MALRD1: variants seen among roughly 807,000 people sequenced by gnomAD.
MALRD1 encodes MAM and LDL-receptor class A domain-containing protein 1.
In MALRD1, 247 loss-of-function variants were observed where a neutral mutation model predicts 242.1. The ratio of observed to expected loss-of-function variants is 1.02; its 90% CI spans 0.92 to 1.13. The LOEUF (loss-of-function observed/expected upper bound fraction) is 1.13, where lower values mean the gene tolerates loss of function less well. Ranked by LOEUF, MALRD1 falls within the 50% of genes most tolerant of loss-of-function variation. The pLI is 0.00. For missense variants in MALRD1, 2,989 were observed against 2,533.1 expected (o/e 1.18, Z -3.86); for synonymous variants, 995 against 866.6 (o/e 1.15, Z -2.60).
At chr10:19,229,665 C>A (rs1026220292) in intron 18 of MALRD1, among the ~76,000 whole-genome samples, 1 of 152,072 alleles carries the variant, frequency 6.6e-6, no homozygotes, top group African/African-American at 2.4e-5. Flanking sequence ...TTTTTGTCCT[C>A]CCATGATGAA....
rs535479519 is a variant in MALRD1, at chr10:19,225,776, C to G, written c.2991+16096C>G. 1.4e-3 allele frequency among the ~76,000 whole-genome samples: 218 copies of G among 152,286 alleles called. 1 individual carries two copies. Among genetic ancestry groups the G allele is most frequent in the Non-Finnish European group, 1.6e-3 (111 of 68,008 alleles). Reference sequence around the variant, plus strand: ...GGCTCTGCCTTAGGAAAAGACTTTACTTTTTATTATCATGTGCAGTACTTA... The same window carrying G: ...GGCTCTGCCTTAGGAAAAGACTTTAGTTTTTATTATCATGTGCAGTACTTA... On this transcript the variant is annotated intron_variant, in intron 18 of 39. Coordinates refer to ENST00000454679, the MANE Select transcript of MALRD1 (RefSeq NM_001142308.3).
intron 33 of MALRD1, among the ~76,000 whole-genome samples, chr10:19,581,261 C>A (rs931089994): frequency 1.3e-5 from 2 of 151,418 alleles, no homozygotes; most frequent in Non-Finnish European, 2.9e-5. Context: ...GGTACATGTG[C>A]ACAATGTGCA....
intron 14 of MALRD1, among the ~76,000 whole-genome samples, chr10:19,181,817 C>T (rs12267424): frequency 0.3 from 45,749 of 151,836 alleles, 7,215 homozygotes; most frequent in Admixed American, 0.37. Flanking sequence ...ATATGTATCC[C>T]ATAACCTTAT....
chr10:19,712,656 C>T (rs939578590), intron 38 of MALRD1, among the ~76,000 whole-genome samples: 7 of 152,114 alleles, frequency 4.6e-5, no homozygotes, highest in African/African-American at 7.2e-5. Context: ...TTATGTGTCT[C>T]AAAGAACCCA....
In MALRD1 at chr10:19,724,757, G is replaced by A. The variant is rs550187049; in HGVS notation, c.6315-5949G>A. 4.6e-5 allele frequency among the ~76,000 whole-genome samples: 7 copies of A among 152,188 alleles called. No homozygotes were observed. The South Asian group carries it at 6.2e-4, about 14-fold the overall frequency. ...GAAATGGGAAAAAAGGAAGTAAAAC[G>A]CATTCAAATTGGAAAAGAAGACATA... is the stretch of plus-strand genomic sequence containing the variant. On this transcript the variant is annotated intron_variant, in intron 38 of 39. Transcript: ENST00000454679.
chr10:19,662,207 C>G (rs1302033306), intron 36 of MALRD1, among the ~76,000 whole-genome samples: 1 of 152,102 alleles, frequency 6.6e-6, no homozygotes, highest in Non-Finnish European at 1.5e-5. Flanking sequence ...AATACTAACA[C>G]TATTTCGTAT....
At chr10:19,047,355 G>GGTGTGT (rs3042212), upstream of MALRD1, among the ~76,000 whole-genome samples, 119 of 148,858 alleles carry the variant, frequency 8.0e-4, no homozygotes, top group African/African-American at 2.8e-3. Flanking sequence ...GTGTTAATTA[G>GGTGTGT]GTGTGTGTGT....
intron 12 of MALRD1, among the ~76,000 whole-genome samples, chr10:19,162,432 C>T (rs971416234): frequency 6.6e-6 from 1 of 151,996 alleles, no homozygotes; most frequent in Non-Finnish European, 1.5e-5. Context: ...ATAATAAGTT[C>T]TGTGAGGAAT....
chr10:19,284,055 G>A (rs190648123), intron 21 of MALRD1, among the ~76,000 whole-genome samples: 1 of 152,188 alleles, frequency 6.6e-6, no homozygotes, highest in African/African-American at 2.4e-5. Context: ...AACACAAAGG[G>A]AAAGGCCCTG....
chr10:19,600,889 C>T (rs563627725), intron 34 of MALRD1, among the ~76,000 whole-genome samples: 1 of 152,014 alleles, frequency 6.6e-6, no homozygotes, highest in African/African-American at 2.4e-5. Flanking sequence ...TTGTTTGTTT[C>T]TTTGTTTGTT....
At chr10:19,099,084 G>A (rs1166713347) in intron 4 of MALRD1, among the ~76,000 whole-genome samples, 1 of 152,150 alleles carries the variant, frequency 6.6e-6, no homozygotes, top group African/African-American at 2.4e-5. Flanking sequence ...TACTGTGCAT[G>A]TGGTAATAAA....
intron 18 of MALRD1, among the ~76,000 whole-genome samples, chr10:19,256,233 T>A (rs962880926): frequency 6.6e-6 from 1 of 152,098 alleles, no homozygotes; most frequent in Non-Finnish European, 1.5e-5. Context: ...GGGATTTACA[T>A]GTATGGGTAC....
chr10:19,668,392 C>T lies in MALRD1; in HGVS notation c.6138-23890C>T, dbSNP rs566347862. 2.6e-5 allele frequency among the ~76,000 whole-genome samples: 4 copies of T among 152,102 alleles called. No individual in the cohort carries two copies. The East Asian group carries it at 7.8e-4, about 30-fold the overall frequency. On this transcript the variant is annotated intron_variant, in intron 36 of 39. Coordinates refer to ENST00000454679, the MANE Select transcript of MALRD1 (RefSeq NM_001142308.3). ...GCACCAAGAAAGGGAGGTTGGTGAC[C>T]TAAAACATAGCCCTTCAGTCACCCA...
At chr10:19,269,626 A>G (rs1679995483) in intron 19 of MALRD1, among the ~76,000 whole-genome samples, 1 of 152,320 alleles carries the variant, frequency 6.6e-6, no homozygotes, top group East Asian at 1.9e-4. Context: ...CTGTGAAATC[A>G]GCTGCAACTC....
At chr10:19,455,950 T>C (rs1167676676) in intron 29 of MALRD1, among the ~76,000 whole-genome samples, 1 of 152,184 alleles carries the variant, frequency 6.6e-6, no homozygotes, top group Admixed American at 6.5e-5. Context: ...CCATGTTTTC[T>C]ACTTACAGGA....
rs143455736 is a variant in MALRD1 at position 19,124,481 on chromosome 10, C to G, written c.797-43C>G. The G allele has an allele frequency of 1.6e-4, 194 of 1,233,098 alleles. No homozygotes were observed. The African/African-American group carries it at 2.9e-3, about 18-fold the overall frequency. 76.4% of individuals were successfully genotyped at this position (1,233,098 alleles called of 1,614,324 possible). A position where few individuals can be genotyped will look rare whatever the true frequency, so the allele number is the denominator to read the frequency against. On this transcript the variant is annotated intron_variant, in intron 6 of 39. Coordinates refer to ENST00000454679, the MANE Select transcript of MALRD1 (RefSeq NM_001142308.3). ...CACATAACTTGGTTAAGCAGCCACT[C>G]TAGCAGACTAATAGTCCACCAAGAT...
At chr10:19,668,805 G>A (rs997499584) in intron 36 of MALRD1, among the ~76,000 whole-genome samples, 11 of 151,106 alleles carry the variant, frequency 7.3e-5, no homozygotes, top group Non-Finnish European at 1.3e-4. Context: ...AGGAAAATAT[G>A]GAAAAAAAAG....
intron 28 of MALRD1, among the ~76,000 whole-genome samples, chr10:19,403,604 G>A (rs1349575056): frequency 6.6e-6 from 1 of 152,002 alleles, no homozygotes; most frequent in South Asian, 2.1e-4. Flanking sequence ...AAAAAGAAGG[G>A]TAAAATAATA....
chr10:19,283,262 T>A, intron 21 of MALRD1, 81 bp downstream of exon 21: 1 of 1,178,694 alleles, frequency 8.5e-7, no homozygotes, highest in Non-Finnish European at 1.1e-6. Context: ...CACCACCTTA[T>A]CCTAGGCCAA....
Sources: allele counts gnomAD v4.1 joint callset (sites outside exome capture counted in the v4.1 genomes callset), GRCh38; gene constraint gnomAD v4.1.1; transcripts MANE v1.5; gene names NCBI Gene and HGNC (gene_info 2026-07-23, HGNC 2026-07-21).